The following PRKCA variants were observed in gnomAD, a reference collection of about 807,000 sequenced individuals.
The protein encoded by PRKCA is protein kinase C alpha type.
In PRKCA, 27 loss-of-function variants were observed where a neutral mutation model predicts 87.0. The ratio of observed to expected loss-of-function variants is 0.31; its 90% confidence interval spans 0.23 to 0.43. The LOEUF (loss-of-function observed/expected upper bound fraction) is 0.43. PRKCA is among the 20% of genes least tolerant of loss of function. The pLI, the probability that PRKCA is intolerant of heterozygous loss-of-function variation, is 1.00. For synonymous variants in PRKCA, 329 were observed against 311.1 expected (o/e 1.06, Z -0.61); for missense variants, 518 against 852.3 (o/e 0.61, Z 4.88).
intron 2 of PRKCA, among the ~76,000 whole-genome samples, chr17:66,366,680 C>T (rs938987025): frequency 2.6e-5 from 4 of 152,200 alleles, no homozygotes; most frequent in African/African-American, 9.6e-5. Flanking sequence ...ATGGGTAGAG[C>T]GAGCTATAGG....
intron 8 of PRKCA, among the ~76,000 whole-genome samples, chr17:66,702,792 A>G (rs1973095793): frequency 6.6e-6 from 1 of 152,190 alleles, no homozygotes; most frequent in African/African-American, 2.4e-5. Flanking sequence ...GTATTTACAC[A>G]AGCATAGATG....
chr17:66,645,175 G>A (rs1211209798), intron 4 of PRKCA, among the ~76,000 whole-genome samples: 1 of 152,140 alleles, frequency 6.6e-6, no homozygotes, highest in African/African-American at 2.4e-5. Context: ...GAGCAAATAT[G>A]GTATGAGTAT....
chr17:66,545,273 CAA>C (rs752117120), intron 3 of PRKCA, among the ~76,000 whole-genome samples: 1 of 152,028 alleles, frequency 6.6e-6, no homozygotes, highest in African/African-American at 2.4e-5. Context: ...CTAAAAAATA[CAA>C]AAAATTAGCC....
At chr17:66,774,336 G>A in intron 14 of PRKCA, 1 of 1,281,946 alleles carries the variant, frequency 7.8e-7, no homozygotes, top group Non-Finnish European at 1.0e-6. Context: ...AAATGTACAT[G>A]TTGGCCAGGC....
intron 2 of PRKCA, among the ~76,000 whole-genome samples, chr17:66,444,805 C>T (rs1385222796): frequency 6.6e-6 from 1 of 152,158 alleles, no homozygotes; most frequent in Admixed American, 6.5e-5. Context: ...CCCTTGTTTG[C>T]ACCTGGTGGA....
chr17:66,499,802 T>C (rs1567860638), intron 3 of PRKCA, among the ~76,000 whole-genome samples: 2 of 152,044 alleles, frequency 1.3e-5, no homozygotes, highest in Non-Finnish European at 2.9e-5. Context: ...GAAAGAGGTA[T>C]ATTAGATATT....
chr17:66,310,814 G>A (rs1169651553), intron 2 of PRKCA, among the ~76,000 whole-genome samples: 3 of 152,198 alleles, frequency 2.0e-5, no homozygotes, highest in Non-Finnish European at 2.9e-5. Flanking sequence ...ATGCGCCGTT[G>A]TCCTCATCCG....
chr17:66,611,609 T>C (rs170586), intron 3 of PRKCA, among the ~76,000 whole-genome samples: 86,261 of 152,084 alleles, frequency 0.57, 24,652 homozygotes, highest in South Asian at 0.67. Flanking sequence ...AGGTTGTCTC[T>C]ACATTTTGGC....
At chr17:66,731,515 G>T (rs1010756608) in intron 8 of PRKCA, among the ~76,000 whole-genome samples, 1 of 152,048 alleles carries the variant, frequency 6.6e-6, no homozygotes, top group Admixed American at 6.6e-5. Context: ...TCAAAATTCG[G>T]AGTCTTGTGC....
intron 3 of PRKCA, among the ~76,000 whole-genome samples, chr17:66,637,315 C>T (rs535947128): frequency 1.8e-4 from 28 of 152,276 alleles, no homozygotes; most frequent in African/African-American, 6.5e-4. Flanking sequence ...GTTGATGCCT[C>T]GTTTCTGCAG....
intron 2 of PRKCA, among the ~76,000 whole-genome samples, chr17:66,433,746 T>C (rs760534701): frequency 5.3e-5 from 8 of 152,152 alleles, no homozygotes; most frequent in Non-Finnish European, 1.0e-4. Flanking sequence ...GGTTTCACCA[T>C]GTTGCCCACG....
At chr17:66,731,775 C>CTTTTTTTT (rs796884841) in intron 8 of PRKCA, among the ~76,000 whole-genome samples, 1 of 71,420 alleles carries the variant, frequency 1.4e-5, no homozygotes, top group Non-Finnish European at 2.6e-5. Flanking sequence ...TGCTCCCTTT[C>CTTTTTTTT]TTTTTTTTTT....
intron 5 of PRKCA, among the ~76,000 whole-genome samples, chr17:66,674,908 G>A (rs768827841): frequency 6.6e-6 from 1 of 152,136 alleles, no homozygotes; most frequent in Admixed American, 6.5e-5. Context: ...CTTATGCCAT[G>A]GAGGGCCTGA....
At chr17:66,536,517 T>C (rs143950858) in intron 3 of PRKCA, among the ~76,000 whole-genome samples, 1 of 152,342 alleles carries the variant, frequency 6.6e-6, no homozygotes, top group East Asian at 1.9e-4. Context: ...TAAATGTAGT[T>C]AACTTCGGAG....
rs114025172 is a variant in PRKCA, at chr17:66,726,413, C to T, written c.919-6275C>T. On this transcript the variant is annotated intron_variant, in intron 8 of 16. Coordinates refer to ENST00000413366, the MANE Select transcript of PRKCA (RefSeq NM_002737.3). ...AACAGAACAGCAAGACCCCTGCCCT[C>T]CCAGACTTGCAGTCAGGTGGCAACG... is the stretch of plus-strand genomic sequence containing the variant. 2.7e-3 allele frequency among the ~76,000 whole-genome samples: 411 copies of T among 152,316 alleles called. 3 individuals are homozygous for T. Among genetic ancestry groups the T allele is most frequent in the African/African-American group, 9.6e-3 (400 of 41,574 alleles).
chr17:66,419,163 A>G lies in PRKCA; in HGVS notation c.206-77038A>G, dbSNP rs138299739. 2.2e-3 allele frequency among the ~76,000 whole-genome samples: 337 copies of G among 152,288 alleles called. 1 individual carries two copies. Among genetic ancestry groups the G allele is most frequent in the African/African-American group, 7.7e-3 (320 of 41,546 alleles). On this transcript the variant is annotated intron_variant, in intron 2 of 16. Transcript: ENST00000413366. ...TATTATGTTAGGATAATCAAATAAG[A>G]ATACTAGTTCAATGATTAGCACTGA...
chr17:66,682,942 T>C (rs1841146837), intron 5 of PRKCA, among the ~76,000 whole-genome samples: 1 of 152,214 alleles, frequency 6.6e-6, no homozygotes, highest in Admixed American at 6.5e-5. Flanking sequence ...GGTGTGACTT[T>C]TGGTTGCACT....
At chr17:66,662,717 G>A (rs950108518) in intron 5 of PRKCA, among the ~76,000 whole-genome samples, 3 of 151,082 alleles carry the variant, frequency 2.0e-5, no homozygotes, top group African/African-American at 7.3e-5. Context: ...AAATCTCGTA[G>A]GCCTGGCATC....
chr17:66,634,574 A>G (rs1231935638), intron 3 of PRKCA, among the ~76,000 whole-genome samples: 1 of 152,242 alleles, frequency 6.6e-6, no homozygotes, highest in Non-Finnish European at 1.5e-5. Flanking sequence ...GGATGACTTT[A>G]TCTACAGCCC....
Sources: allele counts gnomAD v4.1 joint callset (sites outside exome capture counted in the v4.1 genomes callset), GRCh38; gene constraint gnomAD v4.1.1; transcripts MANE v1.5; gene names NCBI Gene and HGNC (gene_info 2026-07-23, HGNC 2026-07-21).